ADAMTSL1: variants seen among roughly 807,000 people sequenced by gnomAD.
The protein encoded by ADAMTSL1 is ADAMTS like 1, also known as ADAMTS-like protein 1.
ADAMTSL1 carries 126 observed loss-of-function variants against 201.8 expected under a neutral mutation model. That is an observed-to-expected ratio of 0.62 (90% confidence interval 0.54 to 0.72). The LOEUF is 0.72. Ranked by LOEUF, ADAMTSL1 falls within the 30% of genes least tolerant of loss-of-function variation. The pLI is 0.00. For synonymous variants in ADAMTSL1, 1,121 were observed against 903.4 expected (o/e 1.24, Z -4.32); for missense variants, 2,679 against 2,277.8 (o/e 1.18, Z -3.59).
At chr9:18,760,726 C>A (rs1256866019) in intron 16 of ADAMTSL1, among the ~76,000 whole-genome samples, 1 of 152,212 alleles carries the variant, frequency 6.6e-6, no homozygotes, top group East Asian at 1.9e-4. Context: ...ACCTACTCTT[C>A]TTCATGGACC....
intron 9 of ADAMTSL1, among the ~76,000 whole-genome samples, chr9:18,665,567 G>C (rs1252631476): frequency 6.6e-6 from 1 of 152,104 alleles, no homozygotes; most frequent in Non-Finnish European, 1.5e-5. Flanking sequence ...AATCAACAGA[G>C]AACAGGCAAC....
At chr9:18,524,054 T>C (rs1818878234) in intron 2 of ADAMTSL1, among the ~76,000 whole-genome samples, 1 of 149,932 alleles carries the variant, frequency 6.7e-6, no homozygotes, top group African/African-American at 2.5e-5. Context: ...TTTCACGATA[T>C]TGATTCTTCC....
chr9:17,921,608 C>T (rs1377147971), intron 1 of ADAMTSL1, among the ~76,000 whole-genome samples: 1 of 152,054 alleles, frequency 6.6e-6, no homozygotes, highest in East Asian at 1.9e-4. Flanking sequence ...ATAACTCATT[C>T]TGGTTATGAG....
At position 18,394,107 on chromosome 9, in the gene ADAMTSL1, C is replaced by A. The variant is rs150445768; in HGVS notation, c.208-110722C>A. Among the ~76,000 whole-genome samples the A allele has an allele frequency of 1.6e-3, 236 of 152,122 alleles. 2 individuals are homozygous for A. Among genetic ancestry groups the A allele is most frequent in the African/African-American group, 5.2e-3 (214 of 41,494 alleles). ...TTGGCATAAGATGATGGTTACGCAG[C>A]GAAAGCAGAGCCATAAAGAGATTGT... On this transcript the variant is annotated intron_variant, in intron 2 of 29. Transcript: ENST00000680146.
intron 3 of ADAMTSL1, among the ~76,000 whole-genome samples, chr9:18,547,747 G>A (rs971091595): frequency 1.3e-5 from 2 of 150,704 alleles, no homozygotes; most frequent in Admixed American, 1.3e-4. Context: ...ATCATGAACT[G>A]AAACTCTACC....
At chr9:17,943,418 T>C (rs1000197976) in intron 1 of ADAMTSL1, among the ~76,000 whole-genome samples, 2 of 152,164 alleles carry the variant, frequency 1.3e-5, no homozygotes, top group Non-Finnish European at 2.9e-5. Context: ...AAGATCATTC[T>C]CACCTTATCG....
intron 2 of ADAMTSL1, among the ~76,000 whole-genome samples, chr9:18,202,379 G>T (rs373497542): frequency 6.6e-6 from 1 of 152,200 alleles, no homozygotes; most frequent in African/African-American, 2.4e-5. Flanking sequence ...ACTTCATTCA[G>T]ACAGTAGTTA....
chr9:18,326,834 A>G (rs1834846620), intron 2 of ADAMTSL1, among the ~76,000 whole-genome samples: 1 of 152,204 alleles, frequency 6.6e-6, no homozygotes, highest in South Asian at 2.1e-4. Context: ...TTTATATGAG[A>G]ATGTCTCTAA....
chr9:18,039,602 A>G (rs1821350287), intron 1 of ADAMTSL1, among the ~76,000 whole-genome samples: 1 of 152,140 alleles, frequency 6.6e-6, no homozygotes, highest in Admixed American at 6.6e-5. Flanking sequence ...GAGCAAATTA[A>G]CTGAGTTAGT....
intron 1 of ADAMTSL1, among the ~76,000 whole-genome samples, chr9:18,484,535 GTTTA>G (rs1046179983): frequency 1.1e-4 from 16 of 152,216 alleles, no homozygotes; most frequent in African/African-American, 3.9e-4. Flanking sequence ...TTGTCTCTGT[GTTTA>G]TTTGATACAT....
rs111668323 is a variant in ADAMTSL1 at position 18,739,749 on chromosome 9, C to T, written c.2007-13549C>T. On this transcript the variant is annotated intron_variant, in intron 15 of 28. Transcript: ENST00000380548. The stretch of plus-strand genomic sequence containing the variant: ...TTAGGGCTAGAAAGTGCAGGGGCTG[C>T]TGTTCCCCATATCCTGTGAATAGAA... Among the ~76,000 whole-genome samples the T allele has an allele frequency of 7.5e-4, 114 of 152,340 alleles. 1 individual carries two copies. Among genetic ancestry groups the T allele is most frequent in the African/African-American group, 2.6e-3 (109 of 41,576 alleles).
At chr9:18,149,574 C>A (rs1826818197) in intron 1 of ADAMTSL1, among the ~76,000 whole-genome samples, 1 of 151,938 alleles carries the variant, frequency 6.6e-6, no homozygotes, top group African/African-American at 2.4e-5. Flanking sequence ...AGGCCCTAAC[C>A]CAGACCTCCT....
rs1428350575 is a variant in ADAMTSL1, at chr9:17,912,066, T to G, written c.87+5144T>G. 5.2e-4 allele frequency among the ~76,000 whole-genome samples: 28 copies of G among 54,196 alleles called. 4 individuals are homozygous for G. The highest frequency in any genetic ancestry group is 9.4e-4 in the African/African-American group (28 of 29,860). The allele number at this position is 54,196 out of a possible 152,430, so 35.6% of individuals were successfully genotyped here. ...TTCCATGGTGTATATGTGCCACATT[T>G]TCTTAATCCAGTCTATCATTGTTGG... On this transcript the variant is annotated intron_variant, in intron 1 of 29. Coordinates refer to the ADAMTSL1 transcript ENST00000680146.
intron 5 of ADAMTSL1, among the ~76,000 whole-genome samples, chr9:18,623,572 T>A (rs113724116): frequency 0.01 from 1,546 of 152,238 alleles, 28 homozygotes; most frequent in African/African-American, 0.035. Context: ...GTCTACCCAG[T>A]CAGGTCCTGC....
At chr9:18,531,450 C>T (rs1369379646) in intron 2 of ADAMTSL1, among the ~76,000 whole-genome samples, 1 of 152,214 alleles carries the variant, frequency 6.6e-6, no homozygotes, top group Non-Finnish European at 1.5e-5. Context: ...TGGACACTGA[C>T]ACACATGTGT....
intron 2 of ADAMTSL1, among the ~76,000 whole-genome samples, chr9:18,408,162 C>T (rs375816010): frequency 3.9e-5 from 6 of 152,208 alleles, no homozygotes; most frequent in African/African-American, 1.4e-4. Context: ...AGCTATCCAT[C>T]CTTTCATTTC....
intron 2 of ADAMTSL1, among the ~76,000 whole-genome samples, chr9:18,209,321 C>T (rs930951052): frequency 2.0e-5 from 3 of 152,138 alleles, no homozygotes; most frequent in Non-Finnish European, 4.4e-5. Flanking sequence ...AGAACCTTCA[C>T]TATTGTTCTG....
At chr9:18,059,014 A>G (rs1563975209) in intron 1 of ADAMTSL1, among the ~76,000 whole-genome samples, 1 of 152,222 alleles carries the variant, frequency 6.6e-6, no homozygotes, top group African/African-American at 2.4e-5. Flanking sequence ...AGCCTAAGCA[A>G]TCACATCATG....
rs568625009 is a variant in ADAMTSL1, at chr9:17,982,665, C to A, written c.87+75743C>A. ...AAATAAAACCGGGCAGGATATAGTC[C>A]AGCAAACTGAGTGCGTGGAATCACA... On this transcript the variant is annotated intron_variant, in intron 1 of 29. Transcript: ENST00000680146. Among the ~76,000 whole-genome samples, 12 of 152,126 alleles carry A rather than the reference C, an allele frequency of 7.9e-5. 1 individual carries two copies. The East Asian group carries it at 2.3e-3, about 29-fold the overall frequency.
Sources: allele counts gnomAD v4.1 joint callset (sites outside exome capture counted in the v4.1 genomes callset), GRCh38; gene constraint gnomAD v4.1.1; transcripts MANE v1.5; gene names NCBI Gene and HGNC (gene_info 2026-07-23, HGNC 2026-07-21).